Variants in TM9SF2 observed in about 807,000 individuals in gnomAD.
TM9SF2 encodes the protein transmembrane 9 superfamily member 2, also known as 76 kDa membrane protein.
Under a neutral mutation model 84.9 loss-of-function variants are expected in TM9SF2, and 13 were observed. That is an observed-to-expected ratio of 0.15 (90% confidence interval 0.10 to 0.24). TM9SF2 has a LOEUF of 0.24. Ranked by LOEUF, TM9SF2 falls within the 10% of genes least tolerant of loss-of-function variation. The pLI, the probability that TM9SF2 is intolerant of heterozygous loss-of-function variation, is 1.00. For missense variants in TM9SF2, 562 were observed against 818.5 expected, an observed-to-expected ratio of 0.69 and a Z score of 3.82; for synonymous variants, 273 against 285.8, an observed-to-expected ratio of 0.96 and a Z score of 0.45.
intron 15 of TM9SF2, among the ~76,000 whole-genome samples, chr13:99,556,736 A>G (rs7331954): frequency 0.025 from 3,774 of 152,144 alleles, 164 homozygotes; most frequent in African/African-American, 0.086. Context: ...GGCGCCTGCC[A>G]CCATGCCTGG....
chr13:99,522,448 A>G (rs148374642), intron 3 of TM9SF2, among the ~76,000 whole-genome samples: 2 of 152,374 alleles, frequency 1.3e-5, no homozygotes, highest in African/African-American at 4.8e-5. Flanking sequence ...CTCAAAGTGT[A>G]TGGACATGGG....
intron 16 of TM9SF2, among the ~76,000 whole-genome samples, chr13:99,560,179 A>G (rs1419398570): frequency 3.9e-5 from 6 of 152,252 alleles, no homozygotes; most frequent in Non-Finnish European, 8.8e-5. Flanking sequence ...CTTTGTCACA[A>G]GTAACGCTGC....
intron 15 of TM9SF2, among the ~76,000 whole-genome samples, chr13:99,556,039 A>G (rs1046647874): frequency 6.6e-6 from 1 of 152,178 alleles, no homozygotes; most frequent in African/African-American, 2.4e-5. Flanking sequence ...AAAGTAAACT[A>G]GTAAGAAAAT....
intron 3 of TM9SF2, among the ~76,000 whole-genome samples, chr13:99,523,059 A>G (rs2046167228): frequency 1.3e-5 from 2 of 152,378 alleles, no homozygotes; most frequent in East Asian, 1.9e-4. Flanking sequence ...TTAAAGGGAC[A>G]GAGCAGGCAC....
chr13:99,504,946 A>G (rs1488765878), intron 1 of TM9SF2, among the ~76,000 whole-genome samples: 2 of 152,214 alleles, frequency 1.3e-5, no homozygotes, highest in Non-Finnish European at 2.9e-5. Context: ...TAGCTTTGCT[A>G]CAGTGTATTT....
chr13:99,541,735 A>T (rs192355771), intron 9 of TM9SF2, 68 bp downstream of exon 9: 3 of 1,002,596 alleles, frequency 3.0e-6, no homozygotes, highest in African/African-American at 1.7e-5. Flanking sequence ...CAAAAAGGTA[A>T]AATAATAGCT....
intron 1 of TM9SF2, among the ~76,000 whole-genome samples, chr13:99,510,276 ATCT>A (rs1400313804): frequency 6.6e-6 from 1 of 152,134 alleles, no homozygotes; most frequent in Non-Finnish European, 1.5e-5. Context: ...TCATCTTCCT[ATCT>A]TCTTCTGAGC....
chr13:99,547,083 G>C lies in TM9SF2; in HGVS notation c.1249G>C (p.Val417Leu). The change falls in exon 11 of 17, where the codon GTT becomes CTT. Residue 417 changes from valine to leucine, a missense_variant. Physicochemically the swap from Val to Leu is conservative, Grantham distance 32. Coordinates refer to ENST00000376387, the MANE Select transcript of TM9SF2 (RefSeq NM_004800.3). ...GCTGCTGGGCACCCCTGCAGGCTAT[G>C]TTGCTGCCAGATTCTATAAGTGTAA... ...WVLLGTPAGYVAARFYKSFGG... is the reference protein window; with the variant it reads ...WVLLGTPAGYLAARFYKSFGG... 1 of 1,614,178 alleles carries C rather than the reference G, an allele frequency of 6.2e-7. No individual in the cohort carries two copies.
intron 12 of TM9SF2, 34 bp from the exon 13 acceptor site, chr13:99,552,133 C>G (rs577217377): frequency 6.9e-6 from 11 of 1,599,324 alleles, no homozygotes; most frequent in Non-Finnish European, 7.7e-6. Context: ...TTTGTTATCT[C>G]TGGTTTTACC....
At chr13:99,506,788 A>C (rs2046090519) in intron 1 of TM9SF2, among the ~76,000 whole-genome samples, 1 of 152,198 alleles carries the variant, frequency 6.6e-6, no homozygotes, top group Non-Finnish European at 1.5e-5. Context: ...TCGGCACTAC[A>C]GAGATTGGTC....
chr13:99,517,120 T>A (rs887643664), intron 1 of TM9SF2, among the ~76,000 whole-genome samples: 6 of 152,116 alleles, frequency 3.9e-5, no homozygotes, highest in South Asian at 2.1e-4. Flanking sequence ...ATTAATTATT[T>A]AAAAAAATTT....
chr13:99,539,327 C>A, intron 6 of TM9SF2, 119 bp from the exon 7 acceptor site: 1 of 680,670 alleles, frequency 1.5e-6, no homozygotes, highest in Non-Finnish European at 2.7e-6. Context: ...TTAAGTGTGA[C>A]ATGAATAATT....
Position 99,562,876 on chromosome 13 carries a change from CACCGTAATTCTAAATAA to C in TM9SF2, c.*122_*138del. The stretch of plus-strand genomic sequence containing the variant: ...TATTGGCCTAGTAATCCTTCAGAAA[CACCGTAATTCTAAATAA>C]ACCTCTTCCCATACACCTTTCCCCC... On this transcript the variant is annotated 3_prime_UTR_variant, in exon 17 of 17. Transcript: ENST00000376387. 3 of 905,972 alleles carry C rather than the reference CACCGTAATTCTAAATAA, an allele frequency of 3.3e-6. No homozygotes were observed. The highest frequency in any genetic ancestry group is 5.1e-6 in the Non-Finnish European group (3 of 587,234). 56.1% of individuals were successfully genotyped at this position (905,972 alleles called of 1,614,324 possible).
chr13:99,528,478 A>AAC (rs530964607), intron 3 of TM9SF2, among the ~76,000 whole-genome samples: 85 of 152,332 alleles, frequency 5.6e-4, no homozygotes, highest in South Asian at 1.4e-3. Flanking sequence ...TTCACAATTG[A>AAC]ACACACAGGT....
intron 3 of TM9SF2, among the ~76,000 whole-genome samples, chr13:99,527,552 C>T (rs780564273): frequency 1.3e-5 from 2 of 152,216 alleles, no homozygotes; most frequent in Non-Finnish European, 2.9e-5. Context: ...CCTCCCCCAA[C>T]ACGTGGGGAT....
intron 1 of TM9SF2, among the ~76,000 whole-genome samples, chr13:99,506,572 CTG>C (rs943401607): frequency 8.5e-5 from 13 of 152,158 alleles, no homozygotes; most frequent in African/African-American, 3.1e-4. Flanking sequence ...AAAATTAAGA[CTG>C]TAATTGTTCA....
chr13:99,527,585 G>C (rs918232983), intron 3 of TM9SF2, among the ~76,000 whole-genome samples: 1 of 152,206 alleles, frequency 6.6e-6, no homozygotes, highest in Non-Finnish European at 1.5e-5. Flanking sequence ...CACAATTGGA[G>C]ATAAGATTTG....
intron 1 of TM9SF2, among the ~76,000 whole-genome samples, chr13:99,506,184 G>A (rs966418358): frequency 2.0e-5 from 3 of 152,182 alleles, no homozygotes; most frequent in Non-Finnish European, 1.5e-5. Context: ...TCAGCTTTAA[G>A]AAAATAGTCC....
intron 10 of TM9SF2, among the ~76,000 whole-genome samples, chr13:99,546,704 T>C: frequency 6.6e-6 from 1 of 152,172 alleles, no homozygotes; most frequent in East Asian, 1.9e-4. Flanking sequence ...AATGCACTCT[T>C]GAGCATCCAG....
Sources: gnomAD v4.1 joint callset for allele counts (sites outside exome capture counted in the v4.1 genomes callset) on GRCh38, gnomAD v4.1.1 for gene constraint, MANE v1.5 for transcripts, NCBI Gene and HGNC (gene_info 2026-07-23, HGNC 2026-07-21) for gene names.